The following RREB1 variants were observed in gnomAD, a reference collection of about 807,000 sequenced individuals.
RREB1 encodes the protein ras responsive element binding protein 1, also known as ras-responsive element-binding protein 1.
RREB1 carries 27 observed loss-of-function variants against 117.8 expected under a neutral mutation model. That is an observed-to-expected ratio of 0.23 (90% CI 0.17 to 0.32). The LOEUF (loss-of-function observed/expected upper bound fraction) is 0.32, where lower values mean the gene tolerates loss of function less well. RREB1 is among the 10% of genes least tolerant of loss of function. RREB1 has a pLI of 1.00. For synonymous variants in RREB1, 1,298 were observed against 1,026.7 expected (o/e 1.26, Z -5.05); for missense variants, 2,577 against 2,378.2 (o/e 1.08, Z -1.74).
chr6:7,113,797 T>C (rs1761261838), intron 1 of RREB1, among the ~76,000 whole-genome samples: 1 of 152,232 alleles, frequency 6.6e-6, no homozygotes, highest in Non-Finnish European at 1.5e-5. Context: ...ATAAGGAAAT[T>C]TTAAAAAGCA....
chr6:7,160,019 C>T (rs1176550436), intron 1 of RREB1, among the ~76,000 whole-genome samples: 1 of 152,032 alleles, frequency 6.6e-6, no homozygotes, highest in African/African-American at 2.4e-5. Context: ...GAAACAATGC[C>T]TACTGTGTGC....
chr6:7,125,625 A>G (rs1237612176), intron 1 of RREB1, among the ~76,000 whole-genome samples: 4 of 152,198 alleles, frequency 2.6e-5, no homozygotes, highest in Non-Finnish European at 5.9e-5. Context: ...GAACAGGTCC[A>G]TTGTTGTTTT....
chr6:7,160,584 A>G (rs1185547831), intron 1 of RREB1, among the ~76,000 whole-genome samples: 1 of 152,102 alleles, frequency 6.6e-6, no homozygotes, highest in Non-Finnish European at 1.5e-5. Flanking sequence ...ATCACCGCTC[A>G]CTGCAGCCTT....
chr6:7,128,421 G>T (rs1269862697), intron 1 of RREB1, among the ~76,000 whole-genome samples: 1 of 152,118 alleles, frequency 6.6e-6, no homozygotes, highest in Non-Finnish European at 1.5e-5. Context: ...GGTTCGACCA[G>T]GGCACACTAC....
intron 1 of RREB1, among the ~76,000 whole-genome samples, chr6:7,141,628 C>A (rs1762596535): frequency 2.0e-5 from 3 of 152,228 alleles, no homozygotes. Context: ...ATGGCTATTT[C>A]AGAATAAAAA....
At chr6:7,176,373 C>T (rs944309164) in intron 1 of RREB1, among the ~76,000 whole-genome samples, 16 of 152,108 alleles carry the variant, frequency 1.1e-4, no homozygotes, top group Admixed American at 3.9e-4. Flanking sequence ...GCCAGTGGTC[C>T]GAGCCATTCT....
intron 6 of RREB1, among the ~76,000 whole-genome samples, chr6:7,210,381 A>G (rs1274558970): frequency 6.6e-6 from 1 of 152,246 alleles, no homozygotes; most frequent in Non-Finnish European, 1.5e-5. Flanking sequence ...ATAGATGGGC[A>G]GTGGGTTCTT....
chr6:7,221,718 G>A (rs1767271013), intron 8 of RREB1, among the ~76,000 whole-genome samples: 3 of 152,240 alleles, frequency 2.0e-5, no homozygotes, highest in African/African-American at 2.4e-5. Flanking sequence ...GGTGAAGGGA[G>A]CAGGTGGGAT....
At chr6:7,224,622 C>A (rs1030221249) in intron 8 of RREB1, among the ~76,000 whole-genome samples, 1 of 152,126 alleles carries the variant, frequency 6.6e-6, no homozygotes, top group African/African-American at 2.4e-5. Flanking sequence ...AGAGCTTGAA[C>A]GTATTTCAGC....
chr6:7,158,462 C>CCA (rs1285978592), intron 1 of RREB1, among the ~76,000 whole-genome samples: 1 of 152,204 alleles, frequency 6.6e-6, no homozygotes, highest in Non-Finnish European at 1.5e-5. Context: ...TTTGCCCACT[C>CCA]CACACACACC....
intron 6 of RREB1, among the ~76,000 whole-genome samples, chr6:7,194,148 CTT>C (rs1481066805): frequency 1.3e-5 from 2 of 152,302 alleles, no homozygotes; most frequent in South Asian, 4.1e-4. Flanking sequence ...CTTGGATAGT[CTT>C]AGAAATTATT....
intron 1 of RREB1, among the ~76,000 whole-genome samples, chr6:7,174,932 A>AT (rs1458664597): frequency 7.9e-5 from 12 of 151,788 alleles, no homozygotes; most frequent in South Asian, 2.1e-4. Context: ...ATTTATTTTA[A>AT]TTTTTGTTAT....
chr6:7,144,689 G>A (rs1762780356), intron 1 of RREB1, among the ~76,000 whole-genome samples: 1 of 145,576 alleles, frequency 6.9e-6, no homozygotes, highest in Non-Finnish European at 1.5e-5. Flanking sequence ...TTTTTCTACT[G>A]TGCTTTACAT....
At chr6:7,124,430 T>G (rs1307642174) in intron 1 of RREB1, among the ~76,000 whole-genome samples, 1 of 152,254 alleles carries the variant, frequency 6.6e-6, no homozygotes, top group Non-Finnish European at 1.5e-5. Context: ...GCTTGTCTCA[T>G]GGTAGCTACC....
chr6:7,234,454 GC>G (rs1373354355), intron 10 of RREB1, among the ~76,000 whole-genome samples: 1 of 152,134 alleles, frequency 6.6e-6, no homozygotes, highest in Non-Finnish European at 1.5e-5. Context: ...CTTTGCAGGT[GC>G]CTGATATGTG....
At chr6:7,160,947 G>A (rs1763630444) in intron 1 of RREB1, among the ~76,000 whole-genome samples, 1 of 152,068 alleles carries the variant, frequency 6.6e-6, no homozygotes, top group Non-Finnish European at 1.5e-5. Flanking sequence ...GCCTTCCAAA[G>A]TGCTGGGATT....
intron 1 of RREB1, among the ~76,000 whole-genome samples, chr6:7,143,549 C>A (rs1264826730): frequency 1.3e-5 from 2 of 152,144 alleles, no homozygotes; most frequent in Non-Finnish European, 2.9e-5. Context: ...AGACCCAGCT[C>A]CTGTTGGAAG....
At chr6:7,171,556 A>G (rs1764209282) in intron 1 of RREB1, among the ~76,000 whole-genome samples, 1 of 152,206 alleles carries the variant, frequency 6.6e-6, no homozygotes, top group South Asian at 2.1e-4. Flanking sequence ...GATCTTGGAG[A>G]CAAGTGACTC....
chr6:7,199,734 G>A (rs1341418204), intron 6 of RREB1, among the ~76,000 whole-genome samples: 1 of 151,998 alleles, frequency 6.6e-6, no homozygotes, highest in Admixed American at 6.6e-5. Context: ...TGCCATCATA[G>A]CTCACTGCAA....
Sources: gnomAD v4.1 joint callset for allele counts (sites outside exome capture counted in the v4.1 genomes callset) on GRCh38, gnomAD v4.1.1 for gene constraint, MANE v1.5 for transcripts, NCBI Gene and HGNC (gene_info 2026-07-23, HGNC 2026-07-21) for gene names.